The following ADAMTS12 variants were observed in gnomAD, a reference collection of about 807,000 sequenced individuals.
ADAMTS12 encodes the protein A disintegrin and metalloproteinase with thrombospondin motifs 12.
In ADAMTS12, 118 loss-of-function variants were observed where a neutral mutation model predicts 167.8. The observed-to-expected ratio is 0.70, with a 90% CI of 0.61 to 0.82. The LOEUF is 0.82. ADAMTS12 is among the 40% of genes least tolerant of loss of function. The probability of loss-of-function intolerance (pLI) is 0.00; values close to 1 mark genes in which losing one functional copy is unlikely to be tolerated. For synonymous variants in ADAMTS12, 704 were observed against 716.9 expected, an observed-to-expected ratio of 0.98 and a Z score of 0.29; for missense variants, 1,916 against 1,998.8, an observed-to-expected ratio of 0.96 and a Z score of 0.79.
At chr5:33,795,693 C>A (rs931481292) in intron 2 of ADAMTS12, among the ~76,000 whole-genome samples, 1 of 152,122 alleles carries the variant, frequency 6.6e-6, no homozygotes. Flanking sequence ...AGCCATTCTT[C>A]GTCTCTGTCA....
intron 2 of ADAMTS12, among the ~76,000 whole-genome samples, chr5:33,772,249 G>A (rs772262464): frequency 1.3e-5 from 2 of 152,052 alleles, no homozygotes; most frequent in African/African-American, 4.8e-5. Flanking sequence ...TAAGTAATTC[G>A]TCCAGACCAG....
At chr5:33,542,597 GA>G (rs1190922095) in intron 22 of ADAMTS12, among the ~76,000 whole-genome samples, 7 of 152,172 alleles carry the variant, frequency 4.6e-5, no homozygotes, top group African/African-American at 1.7e-4. Flanking sequence ...TTCTAAAATT[GA>G]ACACATAATT....
chr5:33,661,910 G>C lies in ADAMTS12; in HGVS notation c.1040+6C>G, dbSNP rs1183211499. ...GCCCCTGGGTTTCATGTAGTCTCTG[G>C]TGTACCTGGTGAGAAGGACAGCCAC... On this transcript the variant is annotated splice_donor_region_variant and intron_variant, in intron 6 of 23. Transcript: ENST00000504830. The C allele has an allele frequency of 6.2e-7, 1 of 1,613,060 alleles. No individual in the cohort carries two copies. Among genetic ancestry groups the C allele is most frequent in the Non-Finnish European group, 8.5e-7 (1 of 1,179,420 alleles).
In ADAMTS12 at chr5:33,687,927, C is replaced by T. The variant is rs137886114; in HGVS notation, c.635-3872G>A. Among the ~76,000 whole-genome samples, 528 of 152,302 alleles carry T rather than the reference C, an allele frequency of 3.5e-3. 5 individuals are homozygous for T. Among genetic ancestry groups the T allele is most frequent in the African/African-American group, 0.012 (506 of 41,564 alleles). On this transcript the variant is annotated intron_variant, in intron 3 of 23. Coordinates refer to ENST00000504830, the MANE Select transcript of ADAMTS12 (RefSeq NM_030955.4). ...GCTCCCCTCACTATTTCCCATCATA[C>T]ACATCACTCTGTTTAGAGACCCCTC... is the stretch of plus-strand genomic sequence containing the variant.
At chr5:33,675,928 T>A (rs1287504010) in intron 5 of ADAMTS12, among the ~76,000 whole-genome samples, 2 of 152,182 alleles carry the variant, frequency 1.3e-5, no homozygotes, top group African/African-American at 4.8e-5. Context: ...TCACAATAAA[T>A]GCGAGGGAAC....
intron 2 of ADAMTS12, among the ~76,000 whole-genome samples, chr5:33,853,134 T>C (rs996977782): frequency 9.2e-5 from 14 of 152,176 alleles, no homozygotes; most frequent in African/African-American, 9.7e-5. Context: ...CTGTTACACA[T>C]AGATTTTAAT....
intron 2 of ADAMTS12, among the ~76,000 whole-genome samples, chr5:33,811,577 A>G (rs1221537522): frequency 6.6e-6 from 1 of 152,226 alleles, no homozygotes; most frequent in Admixed American, 6.5e-5. Context: ...GAGGACCAGA[A>G]TGGCTAGAGG....
chr5:33,774,010 T>C (rs1745831861), intron 2 of ADAMTS12, among the ~76,000 whole-genome samples: 1 of 152,148 alleles, frequency 6.6e-6, no homozygotes, highest in South Asian at 2.1e-4. Flanking sequence ...GGTGTGGCCT[T>C]TGGGGAGGTT....
chr5:33,790,787 AT>A, intron 2 of ADAMTS12, among the ~76,000 whole-genome samples: 1 of 122,646 alleles, frequency 8.2e-6, no homozygotes, highest in Non-Finnish European at 1.6e-5. Context: ...ACAAACATAT[AT>A]ATATATATAT....
At chr5:33,888,701 C>T (rs532836189) in intron 1 of ADAMTS12, among the ~76,000 whole-genome samples, 4 of 152,228 alleles carry the variant, frequency 2.6e-5, no homozygotes, top group East Asian at 3.9e-4. Context: ...AACAGACTGG[C>T]GCTTTGTAAA....
chr5:33,658,100 T>C, intron 7 of ADAMTS12, 84 bp downstream of exon 7: 1 of 1,532,216 alleles, frequency 6.5e-7, no homozygotes, highest in East Asian at 2.3e-5. Context: ...GACCCCCAAT[T>C]TGAGGTGTGT....
At chr5:33,628,670 T>A (rs1433221884) in intron 13 of ADAMTS12, among the ~76,000 whole-genome samples, 2 of 152,088 alleles carry the variant, frequency 1.3e-5, no homozygotes. Context: ...ACATGCTCAA[T>A]CCCCTTTGAA....
intron 17 of ADAMTS12, among the ~76,000 whole-genome samples, chr5:33,594,237 C>T (rs560039738): frequency 6.6e-6 from 1 of 152,218 alleles, no homozygotes; most frequent in African/African-American, 2.4e-5. Flanking sequence ...GGCTCTCATT[C>T]TCTCTTGTCT....
rs79599032 is a variant in ADAMTS12, at chr5:33,673,923, G to T, written c.915+9095C>A. Among the ~76,000 whole-genome samples, 529 of 152,038 alleles carry T rather than the reference G, an allele frequency of 3.5e-3. 22 individuals are homozygous for T. In the East Asian group the frequency reaches 0.086, roughly 25 times the overall value. ...AAGATTTAATTTGGGCATTTCCAGG[G>T]AGCTTTCCCTGCCCCCTAGTCTGGT... On this transcript the variant is annotated intron_variant, in intron 5 of 23. Transcript: ENST00000504830.
intron 2 of ADAMTS12, among the ~76,000 whole-genome samples, chr5:33,831,704 A>T (rs1748307253): frequency 6.6e-6 from 1 of 152,242 alleles, no homozygotes; most frequent in South Asian, 2.1e-4. Flanking sequence ...GCTGAAATTA[A>T]GCAGACTGCT....
chr5:33,568,694 C>A (rs959337622), intron 19 of ADAMTS12, among the ~76,000 whole-genome samples: 2 of 152,238 alleles, frequency 1.3e-5, no homozygotes, highest in Non-Finnish European at 2.9e-5. Context: ...TCTGCATTTC[C>A]ATCTGAGGTA....
intron 20 of ADAMTS12, among the ~76,000 whole-genome samples, chr5:33,553,228 A>C (rs915477128): frequency 6.6e-6 from 1 of 152,234 alleles, no homozygotes; most frequent in African/African-American, 2.4e-5. Flanking sequence ...GATGCTGATG[A>C]GGTTGTGGAG....
intron 3 of ADAMTS12, among the ~76,000 whole-genome samples, chr5:33,714,712 T>G (rs1743535466): frequency 6.6e-6 from 1 of 152,040 alleles, no homozygotes; most frequent in Non-Finnish European, 1.5e-5. Context: ...AAGACAAAAT[T>G]ACATGTTCTC....
chr5:33,690,245 C>T (rs1174890059), intron 3 of ADAMTS12, among the ~76,000 whole-genome samples: 1 of 152,158 alleles, frequency 6.6e-6, no homozygotes, highest in East Asian at 1.9e-4. Context: ...ATTTTTACTC[C>T]ACAAAAAGTT....
Sources: allele counts gnomAD v4.1 joint callset (sites outside exome capture counted in the v4.1 genomes callset), GRCh38; gene constraint gnomAD v4.1.1; transcripts MANE v1.5; gene names NCBI Gene and HGNC (gene_info 2026-07-23, HGNC 2026-07-21).